Variants in OXR1 observed in about 807,000 individuals in gnomAD.
OXR1 encodes oxidation resistance 1, also known as oxidation resistance protein 1.
In OXR1, 41 loss-of-function variants were observed where a neutral mutation model predicts 104.6. The ratio of observed to expected loss-of-function variants is 0.39; its 90% CI spans 0.31 to 0.51. The LOEUF (loss-of-function observed/expected upper bound fraction) is 0.51. Among genes scored for constraint, OXR1 ranks in the 20% least tolerant of loss-of-function variants. The pLI, the probability that OXR1 is intolerant of heterozygous loss-of-function variation, is 0.77. For synonymous variants in OXR1, 348 were observed against 348.4 expected, an observed-to-expected ratio of 1.00 and a Z score of 0.01; for missense variants, 955 against 1,031.9, an observed-to-expected ratio of 0.93 and a Z score of 1.02.
intron 2 of OXR1, among the ~76,000 whole-genome samples, chr8:106,379,537 C>CTTTTTTTTTTTTTTTTT (rs60855438): frequency 7.0e-4 from 76 of 108,368 alleles, no homozygotes; most frequent in African/African-American, 8.8e-4. Flanking sequence ...TTCTTTCTTT[C>CTTTTTTTTTTTTTTTTT]TTTTTTTTTT....
intron 2 of OXR1, among the ~76,000 whole-genome samples, chr8:106,404,287 C>T (rs1669862109): frequency 6.6e-6 from 1 of 152,108 alleles, no homozygotes; most frequent in Admixed American, 6.5e-5. Flanking sequence ...GTAAAGAAGA[C>T]TTACCAGAAT....
chr8:106,492,629 A>G (rs1464435433), intron 2 of OXR1, among the ~76,000 whole-genome samples: 1 of 152,198 alleles, frequency 6.6e-6, no homozygotes, highest in East Asian at 1.9e-4. Context: ...CTGGAAACAG[A>G]CAGCAATATA....
intron 16 of OXR1, among the ~76,000 whole-genome samples, chr8:106,747,663 A>G (rs1211232154): frequency 1.3e-5 from 2 of 152,196 alleles, no homozygotes; most frequent in Non-Finnish European, 2.9e-5. Context: ...AAATATTTGG[A>G]TATCACATAC....
intron 3 of OXR1, among the ~76,000 whole-genome samples, chr8:106,666,268 A>T (rs1333029157): frequency 6.6e-6 from 1 of 152,322 alleles, no homozygotes; most frequent in Middle Eastern, 3.4e-3. Flanking sequence ...ACTACTCAAT[A>T]GAATTTTTTG....
intron 2 of OXR1, among the ~76,000 whole-genome samples, chr8:106,383,065 A>G (rs1040276265): frequency 6.6e-6 from 1 of 151,944 alleles, no homozygotes; most frequent in Non-Finnish European, 1.5e-5. Context: ...ATGAGAAAGG[A>G]AAGATTGGTA....
At chr8:106,718,761 C>T (rs1379132580) in intron 11 of OXR1, among the ~76,000 whole-genome samples, 1 of 151,398 alleles carries the variant, frequency 6.6e-6, no homozygotes, top group Admixed American at 6.6e-5. Context: ...ATGGCGTGAA[C>T]CTGGGAGGTG....
intron 8 of OXR1, among the ~76,000 whole-genome samples, chr8:106,705,133 G>A (rs992702652): frequency 2.0e-5 from 3 of 152,004 alleles, no homozygotes; most frequent in East Asian, 1.9e-4. Flanking sequence ...ATCCTGTCAC[G>A]TTTGTTATGT....
At chr8:106,516,338 A>C (rs1360718420) in intron 2 of OXR1, among the ~76,000 whole-genome samples, 1 of 151,940 alleles carries the variant, frequency 6.6e-6, no homozygotes, top group Non-Finnish European at 1.5e-5. Context: ...TTGCCACCTA[A>C]TTTGTTATAT....
chr8:106,727,413 TTCTTTA>T (rs1833449875), intron 11 of OXR1, among the ~76,000 whole-genome samples: 1 of 152,090 alleles, frequency 6.6e-6, no homozygotes, highest in African/African-American at 2.4e-5. Flanking sequence ...GGCCTGTTCA[TTCTTTA>T]TTTTTATTTT....
intron 3 of OXR1, among the ~76,000 whole-genome samples, chr8:106,599,566 T>A (rs1312097561): frequency 1.3e-5 from 2 of 152,224 alleles, no homozygotes; most frequent in Non-Finnish European, 2.9e-5. Context: ...TGATAACAGA[T>A]AAAATCTTCA....
intron 2 of OXR1, among the ~76,000 whole-genome samples, chr8:106,435,912 A>G (rs1819547638): frequency 6.6e-6 from 1 of 152,194 alleles, no homozygotes; most frequent in Admixed American, 6.5e-5. Context: ...AAAGTGATCT[A>G]ACCAATCAAA....
intron 3 of OXR1, among the ~76,000 whole-genome samples, chr8:106,660,596 C>G (rs1484489712): frequency 1.3e-5 from 2 of 152,148 alleles, no homozygotes; most frequent in African/African-American, 4.8e-5. Flanking sequence ...GTTTCTGTTC[C>G]TTCTCACAAC....
intron 1 of OXR1, among the ~76,000 whole-genome samples, chr8:106,340,357 G>C (rs1349335326): frequency 6.6e-6 from 1 of 152,026 alleles, no homozygotes; most frequent in Non-Finnish European, 1.5e-5. Context: ...TGCTTTAGAA[G>C]TTCTACCTGA....
chr8:106,656,969 C>T (rs1224204645), intron 3 of OXR1, among the ~76,000 whole-genome samples: 2 of 151,940 alleles, frequency 1.3e-5, no homozygotes, highest in African/African-American at 2.4e-5. Flanking sequence ...CTTTTTCCCC[C>T]CAATATATTA....
chr8:106,728,497 A>T (rs993462592), intron 11 of OXR1, among the ~76,000 whole-genome samples: 1 of 152,146 alleles, frequency 6.6e-6, no homozygotes, highest in Admixed American at 6.5e-5. Context: ...AAGTGAGTTA[A>T]TTTACATCTC....
At chr8:106,555,947 T>TATATAC (rs1467087631) in intron 3 of OXR1, among the ~76,000 whole-genome samples, 17 of 41,074 alleles carry the variant, frequency 4.1e-4, no homozygotes, top group East Asian at 1.6e-3. Context: ...TATATATATA[T>TATATAC]ACACAATGGA....
intron 3 of OXR1, among the ~76,000 whole-genome samples, chr8:106,667,203 A>T (rs1826430486): frequency 6.6e-6 from 1 of 152,152 alleles, no homozygotes; most frequent in African/African-American, 2.4e-5. Flanking sequence ...CAAAGATTTG[A>T]TCTTGAAATC....
chr8:106,712,660 C>T (rs989294890), intron 10 of OXR1, among the ~76,000 whole-genome samples: 1 of 151,948 alleles, frequency 6.6e-6, no homozygotes, highest in Non-Finnish European at 1.5e-5. Flanking sequence ...AATGATAATG[C>T]TCTTTTCCCT....
At chr8:106,735,690 A>G (rs539518560) in intron 11 of OXR1, among the ~76,000 whole-genome samples, 1 of 152,238 alleles carries the variant, frequency 6.6e-6, no homozygotes, top group East Asian at 1.9e-4. Context: ...TTGGCCATTA[A>G]ATATTTCTAG....
Sources: allele counts gnomAD v4.1 joint callset (sites outside exome capture counted in the v4.1 genomes callset), GRCh38; gene constraint gnomAD v4.1.1; transcripts MANE v1.5; gene names NCBI Gene and HGNC (gene_info 2026-07-23, HGNC 2026-07-21).